Variants in PHKB observed in about 807,000 individuals in gnomAD.
The protein encoded by PHKB is phosphorylase b kinase regulatory subunit beta.
PHKB carries 122 observed loss-of-function variants against 152.1 expected under a neutral mutation model. That is an observed-to-expected ratio of 0.80 (90% CI 0.69 to 0.93). The LOEUF (loss-of-function observed/expected upper bound fraction) is 0.93, where lower values mean the gene tolerates loss of function less well. Among genes scored for constraint, PHKB ranks in the 40% least tolerant of loss-of-function variants. PHKB has a pLI of 0.00. For synonymous variants in PHKB, 436 were observed against 464.9 expected (o/e 0.94, Z 0.80); for missense variants, 1,304 against 1,328.4 (o/e 0.98, Z 0.29).
chr16:47,653,821 C>A (rs1468039775), intron 20 of PHKB, among the ~76,000 whole-genome samples: 1 of 152,070 alleles, frequency 6.6e-6, no homozygotes, highest in Non-Finnish European at 1.5e-5. Context: ...AATGTGAGTA[C>A]CTCCTAAATT....
At chr16:47,696,944 C>T (rs990135380) in intron 29 of PHKB, among the ~76,000 whole-genome samples, 5 of 152,158 alleles carry the variant, frequency 3.3e-5, no homozygotes, top group African/African-American at 1.2e-4. Context: ...AGCAAGAGAT[C>T]ATTGCTGTTA....
chr16:47,683,877 G>T lies in PHKB; in HGVS notation c.2631-5164G>T, dbSNP rs540536449. Among the ~76,000 whole-genome samples the T allele has an allele frequency of 2.0e-4, 30 of 152,280 alleles. No individual in the cohort carries two copies. The South Asian group carries it at 5.8e-3, about 29-fold the overall frequency. ...CGCTCACGCTGGGAACTGTAGACCG[G>T]AGCTGTTCCTATTCGGCCATCTTGG... On this transcript the variant is annotated intron_variant, in intron 26 of 30. Coordinates refer to ENST00000323584, the MANE Select transcript of PHKB (RefSeq NM_000293.3).
intron 7 of PHKB, chr16:47,566,757 A>G: frequency 2.7e-6 from 2 of 750,768 alleles, no homozygotes; most frequent in South Asian, 2.7e-5. Context: ...ATCTCCTTCC[A>G]GGTCATCTGT....
At chr16:47,674,163 T>C (rs920395370) in intron 26 of PHKB, among the ~76,000 whole-genome samples, 1 of 152,112 alleles carries the variant, frequency 6.6e-6, no homozygotes, top group African/African-American at 2.4e-5. Context: ...GATTTTTTTT[T>C]TTTTTCGTCT....
intron 6 of PHKB, among the ~76,000 whole-genome samples, chr16:47,517,393 C>T (rs922675612): frequency 6.6e-6 from 1 of 151,708 alleles, no homozygotes; most frequent in Non-Finnish European, 1.5e-5. Flanking sequence ...GTAGCTGGGA[C>T]TGCAGATGCA....
intron 1 of PHKB, among the ~76,000 whole-genome samples, chr16:47,482,354 A>G (rs554667622): frequency 4.6e-5 from 7 of 152,348 alleles, no homozygotes; most frequent in Admixed American, 3.3e-4. Flanking sequence ...CTTCAGAAGT[A>G]TATCTAGTTT....
intron 6 of PHKB, among the ~76,000 whole-genome samples, chr16:47,523,441 T>C (rs893129385): frequency 6.6e-6 from 1 of 152,232 alleles, no homozygotes; most frequent in Admixed American, 6.5e-5. Flanking sequence ...TTTACTTAAA[T>C]GCTTTGAACG....
chr16:47,641,517 C>A, intron 15 of PHKB, 82 bp from the exon 16 acceptor site: 1 of 769,216 alleles, frequency 1.3e-6, no homozygotes, highest in East Asian at 2.6e-5. Flanking sequence ...TAACATGTTC[C>A]CTTTTATCCT....
intron 20 of PHKB, among the ~76,000 whole-genome samples, chr16:47,655,631 C>G (rs1973322370): frequency 6.6e-6 from 1 of 152,148 alleles, no homozygotes; most frequent in African/African-American, 2.4e-5. Context: ...GTTTTAAAGT[C>G]AGAATGATAT....
At chr16:47,686,341 A>T (rs1230055076) in intron 26 of PHKB, among the ~76,000 whole-genome samples, 1 of 152,214 alleles carries the variant, frequency 6.6e-6, no homozygotes, top group Non-Finnish European at 1.5e-5. Context: ...TTTAGAAGAT[A>T]CCTCCTGAAG....
intron 6 of PHKB, among the ~76,000 whole-genome samples, chr16:47,532,560 T>C (rs1162445449): frequency 6.6e-6 from 1 of 152,130 alleles, no homozygotes; most frequent in Non-Finnish European, 1.5e-5. Flanking sequence ...CACAGTCAAA[T>C]ATGCTAGCTG....
At chr16:47,544,034 A>T (rs1011068361) in intron 6 of PHKB, among the ~76,000 whole-genome samples, 1 of 152,104 alleles carries the variant, frequency 6.6e-6, no homozygotes, top group Non-Finnish European at 1.5e-5. Context: ...TTTTCAAAAA[A>T]CCAGCTCCTG....
chr16:47,665,291 A>G, intron 25 of PHKB: 1 of 327,602 alleles, frequency 3.1e-6, no homozygotes, highest in Non-Finnish European at 5.8e-6. Context: ...TTTACTTTTG[A>G]GGGAAAAAAA....
At chr16:47,516,217 T>C (rs1970594774) in intron 6 of PHKB, among the ~76,000 whole-genome samples, 1 of 152,150 alleles carries the variant, frequency 6.6e-6, no homozygotes, top group South Asian at 2.1e-4. Flanking sequence ...TGAGCCACCG[T>C]GCCCGGCCTC....
At chr16:47,512,724 CTG>C (rs1279349247) in intron 5 of PHKB, among the ~76,000 whole-genome samples, 1 of 152,112 alleles carries the variant, frequency 6.6e-6, no homozygotes. Context: ...GCTGGACAGT[CTG>C]TTGTTTCTGG....
At chr16:47,614,455 T>A (rs1972482529) in intron 14 of PHKB, among the ~76,000 whole-genome samples, 1 of 152,202 alleles carries the variant, frequency 6.6e-6, no homozygotes, top group African/African-American at 2.4e-5. Flanking sequence ...ATCCTACAGG[T>A]TATTCGAACA....
At chr16:47,593,795 G>A (rs1396623045) in intron 11 of PHKB, among the ~76,000 whole-genome samples, 3 of 151,970 alleles carry the variant, frequency 2.0e-5, no homozygotes, top group Non-Finnish European at 4.4e-5. Context: ...AAAAATGATA[G>A]CATATATATT....
At chr16:47,509,970 T>C (rs1970482250) in intron 4 of PHKB, among the ~76,000 whole-genome samples, 1 of 152,234 alleles carries the variant, frequency 6.6e-6, no homozygotes, top group Admixed American at 6.5e-5. Flanking sequence ...TCTCTCTGAC[T>C]TGGCTATAAT....
chr16:47,467,871 A>G (rs1969695794), intron 1 of PHKB, among the ~76,000 whole-genome samples: 1 of 152,086 alleles, frequency 6.6e-6, no homozygotes, highest in Non-Finnish European at 1.5e-5. Flanking sequence ...GAGTAAGAGG[A>G]ACTCCCTAGA....
Sources: gnomAD v4.1 joint callset for allele counts (sites outside exome capture counted in the v4.1 genomes callset) on GRCh38, gnomAD v4.1.1 for gene constraint, MANE v1.5 for transcripts, NCBI Gene and HGNC (gene_info 2026-07-23, HGNC 2026-07-21) for gene names.